Variants in WDR11 observed in about 807,000 individuals in gnomAD.
WDR11 encodes WD repeat domain 11.
A neutral mutation model predicts 151.2 loss-of-function variants in WDR11; 83 were observed. The ratio of observed to expected loss-of-function variants is 0.55; its 90% CI spans 0.46 to 0.66. The LOEUF is 0.66. Ranked by LOEUF, WDR11 falls within the 30% of genes least tolerant of loss-of-function variation. The probability of loss-of-function intolerance (pLI) is 0.00; values close to 1 mark genes in which losing one functional copy is unlikely to be tolerated. For synonymous variants in WDR11, 484 were observed against 533.1 expected, an observed-to-expected ratio of 0.91 and a Z score of 1.27; for missense variants, 1,301 against 1,480.9, an observed-to-expected ratio of 0.88 and a Z score of 1.99.
chr10:120,884,122 A>G (rs1222691156), intron 14 of WDR11, among the ~76,000 whole-genome samples: 1 of 152,158 alleles, frequency 6.6e-6, no homozygotes, highest in East Asian at 1.9e-4. Flanking sequence ...ATTTTGAGGA[A>G]TATGGTAAAC....
chr10:120,859,558 C>T (rs139442918), intron 3 of WDR11, among the ~76,000 whole-genome samples: 4 of 152,166 alleles, frequency 2.6e-5, no homozygotes, highest in Non-Finnish European at 2.9e-5. Flanking sequence ...TGAACCACTG[C>T]GCCCTGCCCA....
chr10:120,878,511 C>T (rs2133771361), intron 12 of WDR11, 52 bp downstream of exon 12: 1 of 1,430,316 alleles, frequency 7.0e-7, no homozygotes, highest in Non-Finnish European at 9.8e-7. Flanking sequence ...AACATGTTGC[C>T]ATTTATAAAA....
chr10:120,852,533 A>C lies in WDR11; in HGVS notation c.96A>C (p.Gln32His). Reference sequence around the variant, plus strand: ...ATTACTGTTTTGCTAGGGGCTGGCAAGGTTTAATTGCTTATGGATGTCATT... The same window carrying C: ...ATTACTGTTTTGCTAGGGGCTGGCACGGTTTAATTGCTTATGGATGTCATT... ...HNKAAVDWGW[Q>H]GLIAYGCHSL... is the part of the protein sequence containing the mutation. The change falls in exon 2 of 29, where the codon CAA (glutamine) becomes CAC (histidine). Residue 32 changes from glutamine to histidine, a missense_variant. Gln to His is a conservative substitution (Grantham distance 24, BLOSUM62 0). This residue lies in a region of WDR11 where 692 missense variants were observed against 762.5 expected (regional missense o/e 0.91). Coordinates refer to ENST00000263461, the MANE Select transcript of WDR11 (RefSeq NM_018117.12). 1 of 1,613,986 alleles carries C rather than the reference A, an allele frequency of 6.2e-7. No homozygotes were observed. The highest frequency in any genetic ancestry group is 1.1e-5 in the South Asian group (1 of 91,078).
In WDR11 at chr10:120,871,189, G is replaced by T. The variant is rs760004807; in HGVS notation, c.1314G>T (p.Gly438=). Residue 438 remains glycine (G), a synonymous_variant, in exon 10 of 29, where the codon GGG becomes GGT. Coordinates refer to ENST00000263461, the MANE Select transcript of WDR11 (RefSeq NM_018117.12). ...AATCAGGGCAAAGTGCAATTGCTGG[G>T]GAAGAACATCCCAGAGGTTCAATTC... ...DNMIGQSAIA[G]EEHPRGSILR... 1.2e-6 allele frequency: 2 copies of T among 1,613,942 alleles called. No individual in the cohort carries two copies. Among genetic ancestry groups the T allele is most frequent in the Non-Finnish European group, 1.7e-6 (2 of 1,180,028 alleles).
intron 8 of WDR11, 95 bp downstream of exon 8, chr10:120,866,859 C>T (rs1460863725): frequency 7.2e-7 from 1 of 1,381,690 alleles, no homozygotes; most frequent in East Asian, 2.4e-5. Context: ...GGCTGGTTTT[C>T]TATAAAAATA....
intron 12 of WDR11, among the ~76,000 whole-genome samples, chr10:120,878,776 ACT>A (rs1447217326): frequency 1.3e-5 from 2 of 152,164 alleles, no homozygotes; most frequent in African/African-American, 2.4e-5. Context: ...TTTAAAAATA[ACT>A]CTGTCAATGG....
intron 8 of WDR11, 78 bp downstream of exon 8, chr10:120,866,842 A>G (rs1388737761): frequency 2.0e-6 from 3 of 1,497,170 alleles, no homozygotes; most frequent in Middle Eastern, 1.9e-4. Context: ...AATCATAAAA[A>G]TAGGAGGGCT....
Position 120,890,900 on chromosome 10 carries a change from A to C in WDR11, c.2515+13A>C, listed in dbSNP as rs1847409789. 3 of 1,613,926 alleles carry C rather than the reference A, an allele frequency of 1.9e-6. No homozygotes were observed. Among genetic ancestry groups the C allele is most frequent in the Non-Finnish European group, 2.5e-6 (3 of 1,179,842 alleles). On this transcript the variant is annotated intron_variant, in intron 19 of 28. Coordinates refer to ENST00000263461, the MANE Select transcript of WDR11 (RefSeq NM_018117.12). ...CAAGAGTTAACCGGTATGGAATCCT[A>C]ATGATAGGGGGCTTTGAAACCTGTC...
At chr10:120,907,568 TCTCTTTCTCC>T (rs1403171498) in intron 28 of WDR11, 1 of 147,794 alleles carries the variant, frequency 6.8e-6, no homozygotes, top group African/African-American at 2.4e-5. Context: ...TGGTTCTCTC[TCTCTTTCTCC>T]CTCTTTCTCT....
rs1847944461 is a variant in WDR11 at position 120,904,144 on chromosome 10, T to C, written c.3027+2T>C. 1 of 1,606,214 alleles carries C rather than the reference T, an allele frequency of 6.2e-7. No homozygotes were observed. The highest frequency in any genetic ancestry group is 1.3e-5 in the African/African-American group (1 of 74,738). On this transcript the variant is annotated splice_donor_variant, in intron 24 of 28. Transcript: ENST00000263461. LOFTEE classifies it high-confidence loss of function. ...GACCAGCTACTGCTCTTGGGTCAAGTATGTCAGTTTTTATAACTCTACATG... is the reference window on the plus strand; with the variant it reads ...GACCAGCTACTGCTCTTGGGTCAAGCATGTCAGTTTTTATAACTCTACATG...
At chr10:120,895,991 T>C (rs1364391488) in intron 19 of WDR11, among the ~76,000 whole-genome samples, 2 of 152,192 alleles carry the variant, frequency 1.3e-5, no homozygotes, top group African/African-American at 4.8e-5. Context: ...TGTACATTCA[T>C]ACCCTGTGAC....
chr10:120,884,005 G>A, intron 14 of WDR11, 117 bp downstream of exon 14: 2 of 830,174 alleles, frequency 2.4e-6, no homozygotes, highest in Admixed American at 4.1e-5. Context: ...GGTTAAAAAT[G>A]TGTGTTCAGA....
chr10:120,867,395 G>A (rs1292169998), intron 9 of WDR11, among the ~76,000 whole-genome samples: 1 of 152,268 alleles, frequency 6.6e-6, no homozygotes, highest in East Asian at 1.9e-4. Flanking sequence ...AATAGAAAAC[G>A]TTCATTCGTG....
chr10:120,852,519 G>A lies in WDR11; in HGVS notation c.87-5G>A. ...ACTTAAACTTTAACATTACTGTTTT[G>A]CTAGGGGCTGGCAAGGTTTAATTGC... On this transcript the variant is annotated splice_polypyrimidine_tract_variant and splice_region_variant and intron_variant, in intron 1 of 28. Transcript: ENST00000263461. 1 of 1,613,466 alleles carries A rather than the reference G, an allele frequency of 6.2e-7. No individual in the cohort carries two copies. The highest frequency in any genetic ancestry group is 1.1e-5 in the South Asian group (1 of 91,050).
Position 120,898,141 on chromosome 10 carries a change from A to G in WDR11, c.2516-1888A>G, listed in dbSNP as rs1431001090. Reference sequence around the variant, plus strand: ...AAATTTTATTTAAGCCAATATATCCAAAGTTTTATTTCAACATATAATCAG... The same window carrying G: ...AAATTTTATTTAAGCCAATATATCCGAAGTTTTATTTCAACATATAATCAG... On this transcript the variant is annotated intron_variant, in intron 19 of 28. Transcript: ENST00000263461. 2.6e-5 allele frequency among the ~76,000 whole-genome samples: 4 copies of G among 152,316 alleles called. No individual in the cohort carries two copies. The East Asian group carries it at 7.7e-4, about 29-fold the overall frequency.
chr10:120,881,219 T>G (rs1846995547), intron 13 of WDR11, among the ~76,000 whole-genome samples: 1 of 152,216 alleles, frequency 6.6e-6, no homozygotes, highest in South Asian at 2.1e-4. Flanking sequence ...TAATTTAAAC[T>G]CATTTTGCTT....
At chr10:120,877,691 TCAAAA>T (rs1421028076) in intron 11 of WDR11, among the ~76,000 whole-genome samples, 1 of 152,208 alleles carries the variant, frequency 6.6e-6, no homozygotes, top group Admixed American at 6.5e-5. Flanking sequence ...AGCAGTAAAC[TCAAAA>T]CATTTTAGAT....
chr10:120,904,869 A>G, intron 25 of WDR11, 58 bp downstream of exon 25: 1 of 1,591,982 alleles, frequency 6.3e-7, no homozygotes, highest in Non-Finnish European at 8.6e-7. Context: ...TGTTCCCAGC[A>G]AAGTATCTGA....
At chr10:120,875,991 T>C (rs997498908) in intron 11 of WDR11, among the ~76,000 whole-genome samples, 11 of 149,536 alleles carry the variant, frequency 7.4e-5, no homozygotes, top group African/African-American at 2.5e-4. Context: ...TTTTTTTTTT[T>C]TTTTGAGTTG....
Sources: allele counts gnomAD v4.1 joint callset (sites outside exome capture counted in the v4.1 genomes callset), GRCh38; gene constraint gnomAD v4.1.1; regional missense constraint gnomAD v4.1.1; transcripts MANE v1.5; gene names NCBI Gene and HGNC (gene_info 2026-07-23, HGNC 2026-07-21).